ALCAM: variants seen among roughly 807,000 people sequenced by gnomAD.
The protein encoded by ALCAM is activated leukocyte cell adhesion molecule, also known as CD166 antigen.
A neutral mutation model predicts 70.9 loss-of-function variants in ALCAM; 30 were observed. The ratio of observed to expected loss-of-function variants is 0.42; its 90% CI spans 0.32 to 0.57. The LOEUF (loss-of-function observed/expected upper bound fraction) is 0.57, where lower values mean the gene tolerates loss of function less well. Among genes scored for constraint, ALCAM ranks in the 20% least tolerant of loss-of-function variants. The pLI is 0.11. For missense variants in ALCAM, 591 were observed against 695.1 expected (o/e 0.85, Z 1.68); for synonymous variants, 249 against 242.5 (o/e 1.03, Z -0.25).
chr3:105,540,805 T>A (rs1370662027), intron 7 of ALCAM, among the ~76,000 whole-genome samples: 1 of 152,030 alleles, frequency 6.6e-6, no homozygotes, highest in East Asian at 1.9e-4. Context: ...GGGTTGTGCT[T>A]ACAAATTTCA....
At chr3:105,376,102 G>A (rs1200937800) in intron 1 of ALCAM, among the ~76,000 whole-genome samples, 2 of 151,900 alleles carry the variant, frequency 1.3e-5, no homozygotes, top group Non-Finnish European at 2.9e-5. Context: ...GGGCTGGAGA[G>A]GAGAGAGAAA....
intron 2 of ALCAM, among the ~76,000 whole-genome samples, chr3:105,523,091 A>G (rs1179997054): frequency 1.5e-5 from 2 of 133,070 alleles, no homozygotes; most frequent in African/African-American, 5.6e-5. Flanking sequence ...AGTGAGCCGA[A>G]GTTGTGCCAC....
intron 12 of ALCAM, among the ~76,000 whole-genome samples, chr3:105,551,752 A>T (rs7610031): frequency 6.6e-6 from 1 of 151,376 alleles, no homozygotes; most frequent in Non-Finnish European, 1.5e-5. Flanking sequence ...ATTCTCCTAT[A>T]TCGGGCAGGA....
intron 1 of ALCAM, among the ~76,000 whole-genome samples, chr3:105,474,076 A>G (rs1406152907): frequency 6.6e-6 from 1 of 151,616 alleles, no homozygotes; most frequent in Non-Finnish European, 1.5e-5. Flanking sequence ...GGTAGTAGCT[A>G]AATTTTGTAG....
intron 2 of ALCAM, among the ~76,000 whole-genome samples, chr3:105,522,370 G>A (rs535943127): frequency 1.3e-5 from 2 of 152,176 alleles, no homozygotes; most frequent in Non-Finnish European, 2.9e-5. Flanking sequence ...ATACATTTGA[G>A]GCACTATATG....
chr3:105,487,966 G>A (rs1427317969), intron 1 of ALCAM, among the ~76,000 whole-genome samples: 4 of 152,126 alleles, frequency 2.6e-5, no homozygotes, highest in East Asian at 1.9e-4. Flanking sequence ...CTCCAATGTC[G>A]GAAGTGGGAC....
At chr3:105,450,139 G>A (rs919733724) in intron 1 of ALCAM, among the ~76,000 whole-genome samples, 6 of 152,136 alleles carry the variant, frequency 3.9e-5, no homozygotes, top group Admixed American at 3.9e-4. Context: ...CCAGTTTGAA[G>A]GTGCTATGTA....
intron 1 of ALCAM, among the ~76,000 whole-genome samples, chr3:105,402,812 C>T (rs550861345): frequency 9.2e-5 from 14 of 152,030 alleles, no homozygotes; most frequent in Non-Finnish European, 1.8e-4. Context: ...GCCCAGGTAG[C>T]CAAAGACAAA....
intron 1 of ALCAM, among the ~76,000 whole-genome samples, chr3:105,438,336 A>G (rs1027390417): frequency 6.6e-6 from 1 of 151,966 alleles, no homozygotes; most frequent in Non-Finnish European, 1.5e-5. Flanking sequence ...CATAATTCGG[A>G]CTCCTTGGCA....
chr3:105,449,531 A>G (rs1427562257), intron 1 of ALCAM, among the ~76,000 whole-genome samples: 1 of 152,218 alleles, frequency 6.6e-6, no homozygotes, highest in African/African-American at 2.4e-5. Context: ...TTGTTTCACT[A>G]TTTGATTAGA....
chr3:105,380,950 A>G (rs564690099), intron 1 of ALCAM, among the ~76,000 whole-genome samples: 3 of 152,060 alleles, frequency 2.0e-5, no homozygotes, highest in East Asian at 3.9e-4. Flanking sequence ...CTTACTTTCC[A>G]TTATAGATCA....
chr3:105,514,601 A>G (rs960640880), intron 1 of ALCAM, among the ~76,000 whole-genome samples: 3 of 152,042 alleles, frequency 2.0e-5, no homozygotes, highest in African/African-American at 7.2e-5. Context: ...AAATATTTAG[A>G]GCATTAAATT....
At chr3:105,556,030 G>A (rs1175763266) in intron 14 of ALCAM, among the ~76,000 whole-genome samples, 2 of 151,926 alleles carry the variant, frequency 1.3e-5, no homozygotes, top group African/African-American at 4.8e-5. Flanking sequence ...AGGTAGAAAA[G>A]CATTGAAGAA....
At chr3:105,400,413 G>T (rs767829319) in intron 1 of ALCAM, among the ~76,000 whole-genome samples, 1 of 152,060 alleles carries the variant, frequency 6.6e-6, no homozygotes, top group Non-Finnish European at 1.5e-5. Flanking sequence ...TATTGTAAAA[G>T]AAATGTAAAA....
chr3:105,573,852 A>T (rs1940908371), intron 15 of ALCAM, among the ~76,000 whole-genome samples: 1 of 152,216 alleles, frequency 6.6e-6, no homozygotes, highest in African/African-American at 2.4e-5. Flanking sequence ...ATGGAGCGTG[A>T]GAAAATACTG....
intron 1 of ALCAM, among the ~76,000 whole-genome samples, chr3:105,465,631 T>G (rs139706916): frequency 1.3e-5 from 2 of 151,552 alleles, no homozygotes; most frequent in Admixed American, 6.6e-5. Flanking sequence ...ATAATTAACT[T>G]GTTTACTTGA....
intron 1 of ALCAM, among the ~76,000 whole-genome samples, chr3:105,376,827 T>C (rs141437564): frequency 6.6e-6 from 1 of 152,270 alleles, no homozygotes; most frequent in East Asian, 1.9e-4. Flanking sequence ...CTGAGGATGC[T>C]AAGGTGGTAA....
At chr3:105,535,360 G>T (rs1939945078) in intron 6 of ALCAM, among the ~76,000 whole-genome samples, 1 of 152,078 alleles carries the variant, frequency 6.6e-6, no homozygotes, top group African/African-American at 2.4e-5. Flanking sequence ...AGTAAAGTGA[G>T]GCACAGAGTC....
intron 1 of ALCAM, among the ~76,000 whole-genome samples, chr3:105,511,793 T>C (rs1939245451): frequency 6.6e-6 from 1 of 151,964 alleles, no homozygotes; most frequent in African/African-American, 2.4e-5. Context: ...CAGTATGAGG[T>C]TAGATACTTA....
Sources: gnomAD v4.1 joint callset for allele counts (sites outside exome capture counted in the v4.1 genomes callset) on GRCh38, gnomAD v4.1.1 for gene constraint, MANE v1.5 for transcripts, NCBI Gene and HGNC (gene_info 2026-07-23, HGNC 2026-07-21) for gene names.